IL1RAPL1: variants seen among roughly 807,000 people sequenced by gnomAD.
IL1RAPL1 encodes interleukin-1 receptor accessory protein-like 1.
In IL1RAPL1, 3 loss-of-function variants were observed where a neutral mutation model predicts 48.4. The observed-to-expected ratio is 0.06, with a 90% confidence interval of 0.03 to 0.16. The LOEUF (loss-of-function observed/expected upper bound fraction) is 0.16, where lower values mean the gene tolerates loss of function less well. Among genes scored for constraint, IL1RAPL1 ranks in the 10% least tolerant of loss-of-function variants. The probability of loss-of-function intolerance (pLI) is 1.00; values close to 1 mark genes in which losing one functional copy is unlikely to be tolerated. For synonymous variants in IL1RAPL1, 185 were observed against 187.7 expected (o/e 0.99, Z 0.12); for missense variants, 349 against 530.6 (o/e 0.66, Z 3.36).
chrX:29,324,044 C>T lies in IL1RAPL1; in HGVS notation c.362+40827C>T, dbSNP rs757227191. Among the ~76,000 whole-genome samples the T allele has an allele frequency of 3.7e-5, 4 of 108,045 alleles. No individual in the cohort carries two copies. The South Asian group carries it at 1.6e-3, about 44-fold the overall frequency. 93.8% of individuals were successfully genotyped at this position (108,045 alleles called of 115,157 possible). ...TTCACATAACTTCACATTACATATA[C>T]ACTTTCACTCAAAAAAGGATAGCAT... On this transcript the variant is annotated intron_variant, in intron 3 of 10. Transcript: ENST00000378993.
chrX:29,707,399 A>G (rs1012794755), intron 6 of IL1RAPL1, among the ~76,000 whole-genome samples: 1 of 112,467 alleles, frequency 8.9e-6, no homozygotes, highest in Non-Finnish European at 1.9e-5. Flanking sequence ...AAGAACCAAA[A>G]GTAGATCTTT....
At chrX:29,594,943 C>T (rs748271544) in intron 5 of IL1RAPL1, among the ~76,000 whole-genome samples, 2 of 111,274 alleles carry the variant, frequency 1.8e-5, no homozygotes, top group African/African-American at 3.3e-5. Context: ...CCTTTGTGTC[C>T]TTATAGCTTA....
chrX:29,474,356 C>T (rs778225296), intron 5 of IL1RAPL1, among the ~76,000 whole-genome samples: 73 of 112,211 alleles, frequency 6.5e-4, no homozygotes, highest in Non-Finnish European at 1.2e-3. Flanking sequence ...AACTTCTACA[C>T]TTACTAGCTA....
intron 6 of IL1RAPL1, among the ~76,000 whole-genome samples, chrX:29,872,937 G>A (rs371890103): frequency 3.9e-4 from 44 of 112,167 alleles, no homozygotes; most frequent in African/African-American, 1.3e-3. Context: ...CATGAGCAGC[G>A]TCTCGACTTG....
intron 1 of IL1RAPL1, among the ~76,000 whole-genome samples, chrX:28,694,146 C>T (rs1353447381): frequency 9.0e-6 from 1 of 111,386 alleles, no homozygotes; most frequent in East Asian, 2.8e-4. Context: ...CTCTCGCTAC[C>T]CAGGAAACCA....
intron 2 of IL1RAPL1, among the ~76,000 whole-genome samples, chrX:29,120,851 A>C (rs188261878): frequency 1.2e-3 from 129 of 111,929 alleles, no homozygotes; most frequent in African/African-American, 4.0e-3. Flanking sequence ...ACTAAATATT[A>C]CAAATGAATC....
intron 6 of IL1RAPL1, among the ~76,000 whole-genome samples, chrX:29,835,324 T>C (rs917804851): frequency 8.9e-6 from 1 of 112,224 alleles, no homozygotes; most frequent in Non-Finnish European, 1.9e-5. Flanking sequence ...GGTTAAATCT[T>C]GTTGAACCAT....
intron 6 of IL1RAPL1, among the ~76,000 whole-genome samples, chrX:29,842,509 C>T (rs1200444075): frequency 8.9e-6 from 1 of 112,472 alleles, no homozygotes; most frequent in African/African-American, 3.2e-5. Flanking sequence ...GTTCACACTC[C>T]TGAGGCCTGA....
intron 2 of IL1RAPL1, among the ~76,000 whole-genome samples, chrX:29,095,139 T>A (rs189863206): frequency 9.0e-6 from 1 of 111,349 alleles, no homozygotes; most frequent in African/African-American, 3.3e-5. Context: ...CAAAATATGA[T>A]GCTATTTTCC....
chrX:29,924,764 A>C (rs1441180379), intron 8 of IL1RAPL1, among the ~76,000 whole-genome samples: 2 of 112,060 alleles, frequency 1.8e-5, no homozygotes, highest in Non-Finnish European at 3.8e-5. Flanking sequence ...AGCACTAGTT[A>C]ATAATGATAA....
At chrX:29,827,434 C>G (rs1930761637) in intron 6 of IL1RAPL1, among the ~76,000 whole-genome samples, 1 of 111,714 alleles carries the variant, frequency 9.0e-6, no homozygotes, top group Non-Finnish European at 1.9e-5. Flanking sequence ...CATTCAGGTG[C>G]GTGAAGATAG....
At chrX:28,600,827 T>C (rs945596189) in intron 1 of IL1RAPL1, among the ~76,000 whole-genome samples, 2 of 112,121 alleles carry the variant, frequency 1.8e-5, no homozygotes, top group African/African-American at 6.5e-5. Flanking sequence ...CAATTTTCAC[T>C]GAAAGGAAGC....
chrX:28,905,737 T>C (rs1168590380), intron 2 of IL1RAPL1, among the ~76,000 whole-genome samples: 3 of 111,783 alleles, frequency 2.7e-5, no homozygotes, highest in Non-Finnish European at 5.6e-5. Context: ...TCTGCCTTGA[T>C]GGAGTTTACG....
chrX:29,242,042 G>A (rs1170848467), intron 2 of IL1RAPL1, among the ~76,000 whole-genome samples: 3 of 111,699 alleles, frequency 2.7e-5, no homozygotes, highest in Admixed American at 9.5e-5. Context: ...TCAAGAAGCC[G>A]GTTAGTTACA....
intron 2 of IL1RAPL1, among the ~76,000 whole-genome samples, chrX:29,213,734 T>A (rs1930815068): frequency 8.9e-6 from 1 of 112,362 alleles, no homozygotes; most frequent in Non-Finnish European, 1.9e-5. Context: ...ATGCCAGAAT[T>A]AACTTTTTCA....
chrX:29,314,342 G>A (rs1338650214), intron 3 of IL1RAPL1, among the ~76,000 whole-genome samples: 2 of 112,087 alleles, frequency 1.8e-5, no homozygotes, highest in African/African-American at 6.5e-5. Context: ...GACCCAGTGA[G>A]TCCAGGTTCT....
intron 3 of IL1RAPL1, among the ~76,000 whole-genome samples, chrX:29,302,901 G>C (rs1441115016): frequency 8.9e-6 from 1 of 111,881 alleles, no homozygotes; most frequent in Non-Finnish European, 1.9e-5. Flanking sequence ...TTATAAAGCT[G>C]TTTTATCCCT....
At chrX:29,080,240 G>A (rs1927771116) in intron 2 of IL1RAPL1, among the ~76,000 whole-genome samples, 2 of 109,544 alleles carry the variant, frequency 1.8e-5, no homozygotes, top group African/African-American at 3.3e-5. Context: ...TTAGTTGACC[G>A]TGGTGGTGCA....
At chrX:29,883,543 G>A (rs1040650455) in intron 6 of IL1RAPL1, among the ~76,000 whole-genome samples, 2 of 112,289 alleles carry the variant, frequency 1.8e-5, no homozygotes, top group African/African-American at 6.5e-5. Flanking sequence ...CGTAATTTAA[G>A]ATTGCATTCA....
Sources: gnomAD v4.1 joint callset for allele counts (sites outside exome capture counted in the v4.1 genomes callset) on GRCh38, gnomAD v4.1.1 for gene constraint, MANE v1.5 for transcripts, NCBI Gene and HGNC (gene_info 2026-07-23, HGNC 2026-07-21) for gene names.